Variants in SERPINH1 observed in about 807,000 individuals in gnomAD.
SERPINH1 encodes the protein serpin H1.
A neutral mutation model predicts 32.3 loss-of-function variants in SERPINH1; 22 were observed. The ratio of observed to expected loss-of-function variants is 0.68; its 90% CI spans 0.49 to 0.97. The LOEUF (loss-of-function observed/expected upper bound fraction) is 0.97. Among genes scored for constraint, SERPINH1 ranks in the 50% least tolerant of loss-of-function variants. The pLI is 0.00. For missense variants in SERPINH1, 543 were observed against 576.4 expected (o/e 0.94, Z 0.59); for synonymous variants, 251 against 245.9 (o/e 1.02, Z -0.19).
At chr11:75,571,654 C>A in intron 4 of SERPINH1, 127 bp from the exon 5 acceptor site, 1 of 811,028 alleles carries the variant, frequency 1.2e-6, no homozygotes, top group Non-Finnish European at 2.1e-6. Flanking sequence ...GCCTGGCATA[C>A]AGAAGGTGAC....
chr11:75,569,235 C>G, intron 4 of SERPINH1, 64 bp downstream of exon 4: 3 of 1,216,672 alleles, frequency 2.5e-6, no homozygotes, highest in Non-Finnish European at 2.4e-6. Context: ...CTTGGGGGAC[C>G]CACTCACCAA....
At chr11:75,571,183 G>A (rs954887504) in intron 4 of SERPINH1, among the ~76,000 whole-genome samples, 2 of 151,978 alleles carry the variant, frequency 1.3e-5, no homozygotes, top group Non-Finnish European at 2.9e-5. Context: ...AGTGTCTGTC[G>A]CCCAGCTTCA....
At position 75,566,465 on chromosome 11, in the gene SERPINH1, A is replaced by C. The variant is rs777133890; in HGVS notation, c.116A>C (p.Lys39Thr). The C allele has an allele frequency of 6.2e-7, 1 of 1,612,442 alleles. No homozygotes were observed. The highest frequency in any genetic ancestry group is 1.1e-5 in the South Asian group (1 of 90,978). Residue 39 changes from lysine (K) to threonine (T), a missense_variant, in exon 2 of 5, where the codon AAG becomes ACG. Physicochemically the swap from Lys to Thr is moderately conservative, Grantham distance 78. This residue lies in a region of SERPINH1 where 109 missense variants were observed against 102.4 expected (regional missense o/e 1.06). Transcript: ENST00000358171. ...GGCACTGCGGAGAAGTTGAGCCCCA[A>C]GGCGGCCACGCTTGCCGAGCGCAGC... ...APGTAEKLSP[K>T]AATLAERSAG...
Position 75,571,955 on chromosome 11 carries a change from C to T in SERPINH1, c.1129C>T (p.Arg377Cys), listed in dbSNP as rs576211302. 8.1e-6 allele frequency: 13 copies of T among 1,614,208 alleles called. No individual in the cohort carries two copies. Among genetic ancestry groups the T allele is most frequent in the South Asian group, 5.5e-5 (5 of 91,082 alleles). The stretch of plus-strand genomic sequence containing the variant: ...GGACATCTACGGGCGCGAGGAGCTG[C>T]GCAGCCCCAAGCTGTTCTACGCCGA... ...DQDIYGREELRSPKLFYADHP... is the reference protein window; with the variant it reads ...DQDIYGREELCSPKLFYADHP... Residue 377 changes from arginine to cysteine, a missense_variant, in exon 5 of 5, where the codon CGC (arginine) becomes TGC (cysteine). This residue lies in a region of SERPINH1 where 427 missense variants were observed against 446.4 expected (regional missense o/e 0.96). Transcript: ENST00000358171.
chr11:75,569,141 G>T lies in SERPINH1; in HGVS notation c.924G>T (p.Lys308Asn). Residue 308 changes from lysine (K) to asparagine (N), a missense_variant, in exon 4 of 5, where the codon AAG (lysine) becomes AAT (asparagine). By Grantham distance (94) the Lys-to-Asn change is moderately conservative (BLOSUM62 0). Around this residue, in one of 3 missense-constraint regions of SERPINH1, gnomAD observed 427 missense variants for 446.4 expected, o/e 0.96. Coordinates refer to ENST00000358171, the MANE Select transcript of SERPINH1 (RefSeq NM_001235.5). Reference protein sequence around the residue: ...QKKAVAISLPKGVVEVTHDLQ... With the variant: ...QKKAVAISLPNGVVEVTHDLQ... Reference sequence around the variant, plus strand: ...AGGCTGTTGCCATCTCCTTGCCCAAGGGTGTGGTGGAGGTGACCCATGACC... The same window carrying T: ...AGGCTGTTGCCATCTCCTTGCCCAATGGTGTGGTGGAGGTGACCCATGACC... The T allele has an allele frequency of 6.2e-7, 1 of 1,612,808 alleles. No individual in the cohort carries two copies. The highest frequency in any genetic ancestry group is 8.5e-7 in the Non-Finnish European group (1 of 1,179,354).
chr11:75,566,984 C>A lies in SERPINH1; in HGVS notation c.622+13C>A. The A allele has an allele frequency of 1.3e-6, 2 of 1,582,968 alleles. No individual in the cohort carries two copies. Among genetic ancestry groups the A allele is most frequent in the Non-Finnish European group, 1.7e-6 (2 of 1,169,738 alleles). ...ATGTTCTTCAAGCGTGAGTCGGGGG[C>A]GCGTTCAGGGGTCCTCCTCCTCCTC... On this transcript the variant is annotated intron_variant, in intron 2 of 4. Coordinates refer to ENST00000358171, the MANE Select transcript of SERPINH1 (RefSeq NM_001235.5).
Position 75,568,980 on chromosome 11 carries a change from A to G in SERPINH1, c.763A>G (p.Ile255Val). 1 of 1,614,036 alleles carries G rather than the reference A, an allele frequency of 6.2e-7. No individual in the cohort carries two copies. ...YYDDEKEKLQ[I>V]VEMPLAHKLS... ...CGACGACGAGAAGGAAAAGCTGCAA[A>G]TCGTGGAGATGCCCCTGGCCCACAA... is the stretch of plus-strand genomic sequence containing the variant. Residue 255 changes from isoleucine to valine, a missense_variant, in exon 4 of 5, where the codon ATC (isoleucine) becomes GTC (valine). Coordinates refer to ENST00000358171, the MANE Select transcript of SERPINH1 (RefSeq NM_001235.5).
Position 75,566,435 on chromosome 11 carries a change from C to G in SERPINH1, c.86C>G (p.Ala29Gly), listed in dbSNP as rs774738608. Reference sequence around the variant, plus strand: ...GTGAAGAAACCTGCAGCCGCAGCAGCTCCTGGCACTGCGGAGAAGTTGAGC... The same window carrying G: ...GTGAAGAAACCTGCAGCCGCAGCAGGTCCTGGCACTGCGGAGAAGTTGAGC... ...AEVKKPAAAA[A>G]PGTAEKLSPK... Residue 29 changes from alanine (A) to glycine (G), a missense_variant, in exon 2 of 5, where the codon GCT becomes GGT. Around this residue, in one of 3 missense-constraint regions of SERPINH1, gnomAD observed 109 missense variants for 102.4 expected, o/e 1.06. Transcript: ENST00000358171. 2 of 1,612,116 alleles carry G rather than the reference C, an allele frequency of 1.2e-6. No individual in the cohort carries two copies. The highest frequency in any genetic ancestry group is 2.2e-5 in the South Asian group (2 of 90,940).
At chr11:75,564,196 G>C (rs568053259) in intron 1 of SERPINH1, among the ~76,000 whole-genome samples, 1 of 152,244 alleles carries the variant, frequency 6.6e-6, no homozygotes, top group Non-Finnish European at 1.5e-5. Context: ...TCTGCCGGCC[G>C]GTGGAGATAG....
rs766872022 is a variant in SERPINH1 at position 75,566,938 on chromosome 11, G to T, written c.589G>T (p.Gly197Cys). The T allele has an allele frequency of 1.2e-6, 2 of 1,603,542 alleles. No homozygotes were observed. Among genetic ancestry groups the T allele is most frequent in the Non-Finnish European group, 1.7e-6 (2 of 1,179,324 alleles). Residue 197 changes from glycine (G) to cysteine (C), a missense_variant, in exon 2 of 5, where the codon GGC becomes TGC. Physicochemically the swap from Gly to Cys is radical, Grantham distance 159 (BLOSUM62 -3). Around this residue, in one of 3 missense-constraint regions of SERPINH1, gnomAD observed 427 missense variants for 446.4 expected, o/e 0.96. Coordinates refer to ENST00000358171, the MANE Select transcript of SERPINH1 (RefSeq NM_001235.5). Reference protein sequence around the residue: ...EVTKDVERTDGALLVNAMFFK... With the variant: ...EVTKDVERTDCALLVNAMFFK... ...CACCAAGGACGTGGAGCGCACGGACGGCGCCCTGCTAGTCAACGCCATGTT... is the reference window on the plus strand; with the variant it reads ...CACCAAGGACGTGGAGCGCACGGACTGCGCCCTGCTAGTCAACGCCATGTT...
rs764723506 is a variant in SERPINH1, at chr11:75,566,949, A to G, written c.600A>G (p.Leu200=). 1.9e-6 allele frequency: 3 copies of G among 1,600,238 alleles called. No homozygotes were observed. Among genetic ancestry groups the G allele is most frequent in the Non-Finnish European group, 2.5e-6 (3 of 1,178,616 alleles). ...TGGAGCGCACGGACGGCGCCCTGCT[A>G]GTCAACGCCATGTTCTTCAAGCGTG... ...KDVERTDGAL[L]VNAMFFKPHW... The change falls in exon 2 of 5, where the codon CTA becomes CTG. Residue 200 remains leucine, a synonymous_variant. Transcript: ENST00000358171.
intron 1 of SERPINH1, among the ~76,000 whole-genome samples, chr11:75,564,952 T>C (rs1200899264): frequency 6.6e-6 from 1 of 152,202 alleles, no homozygotes. Flanking sequence ...TGTTCGGTCT[T>C]CTTCAAGGAT....
chr11:75,564,325 A>C (rs1419970680), intron 1 of SERPINH1, among the ~76,000 whole-genome samples: 1 of 152,142 alleles, frequency 6.6e-6, no homozygotes, highest in Non-Finnish European at 1.5e-5. Context: ...AGCCCCTCCC[A>C]GTCCTTTGAG....
chr11:75,567,209 A>G (rs981652408), intron 2 of SERPINH1, among the ~76,000 whole-genome samples: 3 of 152,256 alleles, frequency 2.0e-5, no homozygotes, highest in African/African-American at 7.2e-5. Context: ...CATGGAATGT[A>G]TTCCGACCGA....
In SERPINH1 at chr11:75,566,965, T is replaced by A; in HGVS notation, c.616T>A (p.Phe206Ile). 1 of 1,597,512 alleles carries A rather than the reference T, an allele frequency of 6.3e-7. No individual in the cohort carries two copies. Among genetic ancestry groups the A allele is most frequent in the African/African-American group, 1.3e-5 (1 of 74,978 alleles). ...DGALLVNAMFFKPHWDEKFHH... is the reference protein window; with the variant it reads ...DGALLVNAMFIKPHWDEKFHH... ...CGCCCTGCTAGTCAACGCCATGTTC[T>A]TCAAGCGTGAGTCGGGGGCGCGTTC... is the stretch of plus-strand genomic sequence containing the variant. Residue 206 changes from phenylalanine (F) to isoleucine (I), a missense_variant, in exon 2 of 5, where the codon TTC (phenylalanine) becomes ATC (isoleucine). Coordinates refer to ENST00000358171, the MANE Select transcript of SERPINH1 (RefSeq NM_001235.5).
chr11:75,567,114 T>C, intron 2 of SERPINH1, 143 bp downstream of exon 2: 1 of 939,366 alleles, frequency 1.1e-6, no homozygotes, highest in South Asian at 1.7e-5. Context: ...TCACTCAGCT[T>C]TTTGTACAGA....
chr11:75,567,037 AC>A, intron 2 of SERPINH1, 66 bp downstream of exon 2: 1 of 1,520,944 alleles, frequency 6.6e-7, no homozygotes, highest in Non-Finnish European at 8.9e-7. Context: ...AGTTAGGACG[AC>A]ATTCCGTGCG....
chr11:75,563,655 C>T (rs1172031668), intron 1 of SERPINH1: 1 of 152,762 alleles, frequency 6.5e-6, no homozygotes, highest in African/African-American at 2.4e-5. Flanking sequence ...GTTGTGCCCT[C>T]TGCGCCAGGG....
chr11:75,562,576 A>T (rs993220577), intron 1 of SERPINH1: 1 of 152,326 alleles, frequency 6.6e-6, no homozygotes, highest in Non-Finnish European at 1.5e-5. Flanking sequence ...CACTCGGAGG[A>T]CTGGGAAAAA....
Sources: gnomAD v4.1 joint callset for allele counts (sites outside exome capture counted in the v4.1 genomes callset) on GRCh38, gnomAD v4.1.1 for gene constraint, gnomAD v4.1.1 regional missense constraint, MANE v1.5 for transcripts, NCBI Gene and HGNC (gene_info 2026-07-23, HGNC 2026-07-21) for gene names.